ZNF821: variants seen among roughly 807,000 people sequenced by gnomAD.
ZNF821 encodes the protein zinc finger protein 821.
In ZNF821, 16 loss-of-function variants were observed where a neutral mutation model predicts 44.3. That is an observed-to-expected ratio of 0.36 (90% CI 0.24 to 0.55). ZNF821 has a LOEUF of 0.55. Ranked by LOEUF, ZNF821 falls within the 20% of genes least tolerant of loss-of-function variation. The probability of loss-of-function intolerance (pLI) is 0.86; values close to 1 mark genes in which losing one functional copy is unlikely to be tolerated. For missense variants in ZNF821, 436 were observed against 547.6 expected (o/e 0.80, Z 2.03); for synonymous variants, 204 against 197.6 (o/e 1.03, Z -0.27).
At chr16:71,890,021 G>A (rs904389365) in intron 1 of ZNF821, among the ~76,000 whole-genome samples, 2 of 152,190 alleles carry the variant, frequency 1.3e-5, no homozygotes, top group Non-Finnish European at 2.9e-5. Flanking sequence ...TCACAGAAAT[G>A]TCAGCCTGAA....
chr16:71,894,697 AC>A (rs1446457979), intron 1 of ZNF821: 12 of 550,660 alleles, frequency 2.2e-5, no homozygotes, highest in East Asian at 3.4e-5. Flanking sequence ...CTAATTTTTA[AC>A]TTTTTTTTTT....
intron 1 of ZNF821, chr16:71,894,619 G>A (rs1215717357): frequency 2.0e-6 from 1 of 503,358 alleles, no homozygotes. Context: ...GCGACCTTCT[G>A]GGCTCAAGCG....
At chr16:71,887,082 C>A (rs911108288), upstream of ZNF821, among the ~76,000 whole-genome samples, 3 of 152,110 alleles carry the variant, frequency 2.0e-5, no homozygotes, top group Non-Finnish European at 4.4e-5. Flanking sequence ...TTTATCCATT[C>A]ATTAGTGGAA....
chr16:71,862,045 G>A, intron 6 of ZNF821, 103 bp from the exon 7 acceptor site: 1 of 1,353,892 alleles, frequency 7.4e-7, no homozygotes, highest in Non-Finnish European at 1.0e-6. Context: ...TTTAGTCTCA[G>A]AATAAGGAAC....
At chr16:71,866,704 C>A (rs923722560) in intron 4 of ZNF821, among the ~76,000 whole-genome samples, 1 of 152,168 alleles carries the variant, frequency 6.6e-6, no homozygotes, top group Non-Finnish European at 1.5e-5. Flanking sequence ...GTAATTCCCA[C>A]CTGCTACTCA....
intron 1 of ZNF821, chr16:71,883,527 C>G (rs2142489584): frequency 4.3e-6 from 1 of 230,296 alleles, no homozygotes; most frequent in African/African-American, 2.3e-5. Flanking sequence ...TCTGCGAGAC[C>G]CAGACGCGGG....
At chr16:71,878,823 C>A (rs111928031) in intron 3 of ZNF821, among the ~76,000 whole-genome samples, 13 of 151,526 alleles carry the variant, frequency 8.6e-5, no homozygotes, top group Admixed American at 5.9e-4. Flanking sequence ...CCCAGCTACT[C>A]GGCAGGTTGC....
intron 3 of ZNF821, among the ~76,000 whole-genome samples, chr16:71,870,129 A>C (rs1367657770): frequency 6.6e-6 from 1 of 152,232 alleles, no homozygotes; most frequent in Non-Finnish European, 1.5e-5. Context: ...TATCAGGGCC[A>C]GTATATGATC....
At chr16:71,872,085 C>T (rs2142407116) in intron 3 of ZNF821, among the ~76,000 whole-genome samples, 1 of 152,118 alleles carries the variant, frequency 6.6e-6, no homozygotes, top group Non-Finnish European at 1.5e-5. Context: ...CCCACCTTGG[C>T]CTCCCAAAGT....
rs149499924 is a variant in ZNF821, at chr16:71,880,656, T to C, written c.-77-633A>G. 7.6e-3 allele frequency among the ~76,000 whole-genome samples: 1,163 copies of C among 152,340 alleles called. 6 individuals carry two copies. The highest frequency in any genetic ancestry group is 0.014 in the Non-Finnish European group (931 of 68,026). On this transcript the variant is annotated intron_variant, in intron 2 of 7. Transcript: ENST00000425432. ...CACTAAGCAAATCAAACTTCTAATG[T>C]TGAAGATGGGCTCTCACCAGAAGAG...
At chr16:71,894,753 C>G (rs372790514) in intron 1 of ZNF821, 2 of 884,740 alleles carry the variant, frequency 2.3e-6, no homozygotes, top group Non-Finnish European at 3.5e-6. Flanking sequence ...CCAGGCTGGT[C>G]TGCAACTCCC....
At position 71,879,844 on chromosome 16, in the gene ZNF821, G is replaced by A. The variant is rs1484082247; in HGVS notation, c.40+63C>T. On this transcript the variant is annotated intron_variant, in intron 3 of 7. Coordinates refer to ENST00000425432, the MANE Select transcript of ZNF821 (RefSeq NM_001201552.2). ...AGCGTGAGCTTCTCCCCTAAATTCA[G>A]GTTACTCTTCCATTCCACCCCTTAG... The A allele has an allele frequency of 4.0e-6, 6 of 1,489,082 alleles. No individual in the cohort carries two copies. The Admixed American group carries it at 1.2e-4, about 29-fold the overall frequency. The allele number at this position is 1,489,082 out of a possible 1,614,324, so 92.2% of individuals were successfully genotyped here.
intron 6 of ZNF821, 50 bp downstream of exon 6, chr16:71,864,088 A>G (rs1414019161): frequency 6.5e-7 from 1 of 1,536,116 alleles, no homozygotes; most frequent in East Asian, 2.2e-5. Flanking sequence ...TGGGCTACAG[A>G]CAAGCTGCCC....
intron 1 of ZNF821, chr16:71,883,587 G>C (rs934928235): frequency 1.3e-5 from 2 of 159,470 alleles, no homozygotes; most frequent in African/African-American, 4.8e-5. Flanking sequence ...CCCTCCCCCA[G>C]CTCCACCCAA....
At chr16:71,882,781 C>G (rs2036567527) in intron 2 of ZNF821, among the ~76,000 whole-genome samples, 1 of 152,194 alleles carries the variant, frequency 6.6e-6, no homozygotes, top group Non-Finnish European at 1.5e-5. Flanking sequence ...AAAGGACACT[C>G]TTGACCACAA....
chr16:71,868,024 A>C lies in ZNF821; in HGVS notation c.54T>G (p.Phe18Leu). ...GGCGGGCTTGCTCTTCTAGCCCAGCAAATACTTGATCCCCTGGTGGTCACA... is the reference window on the plus strand; with the variant it reads ...GGCGGGCTTGCTCTTCTAGCCCAGCCAATACTTGATCCCCTGGTGGTCACA... Reference protein sequence around the residue: ...NPNKVHWDQVFAGLEEQARQA... With the variant: ...NPNKVHWDQVLAGLEEQARQA... Residue 18 changes from phenylalanine (F) to leucine (L), a missense_variant, in exon 4 of 8, where the codon TTT (phenylalanine) becomes TTG (leucine). Coordinates refer to ENST00000425432, the MANE Select transcript of ZNF821 (RefSeq NM_001201552.2). The C allele has an allele frequency of 3.3e-6, 5 of 1,535,468 alleles. No individual in the cohort carries two copies. The highest frequency in any genetic ancestry group is 4.4e-6 in the Non-Finnish European group (5 of 1,146,650).
chr16:71,869,468 G>A (rs2034939241), intron 3 of ZNF821, among the ~76,000 whole-genome samples: 1 of 152,136 alleles, frequency 6.6e-6, no homozygotes, highest in Admixed American at 6.5e-5. Flanking sequence ...ACTAATAATA[G>A]TTTGACACTT....
intron 6 of ZNF821, among the ~76,000 whole-genome samples, chr16:71,863,400 TC>T (rs1345484110): frequency 2.8e-5 from 3 of 106,048 alleles, no homozygotes; most frequent in Non-Finnish European, 1.8e-5. Flanking sequence ...GAGCAGAATC[TC>T]TTTTTTTTTT....
At chr16:71,874,113 C>T (rs2142422526) in intron 3 of ZNF821, among the ~76,000 whole-genome samples, 1 of 152,078 alleles carries the variant, frequency 6.6e-6, no homozygotes, top group Admixed American at 6.5e-5. Flanking sequence ...CACCCGCCAC[C>T]ATGCCCAGCT....
Sources: gnomAD v4.1 joint callset for allele counts (sites outside exome capture counted in the v4.1 genomes callset) on GRCh38, gnomAD v4.1.1 for gene constraint, MANE v1.5 for transcripts, NCBI Gene and HGNC (gene_info 2026-07-23, HGNC 2026-07-21) for gene names.